THRAP3: variants seen among roughly 807,000 people sequenced by gnomAD.
THRAP3 encodes thyroid hormone receptor associated protein 3.
Under a neutral mutation model 101.0 loss-of-function variants are expected in THRAP3, and 16 were observed. The observed-to-expected ratio is 0.16, with a 90% CI of 0.11 to 0.24. The LOEUF (loss-of-function observed/expected upper bound fraction) is 0.24. Among genes scored for constraint, THRAP3 ranks in the 10% least tolerant of loss-of-function variants. The probability of loss-of-function intolerance (pLI) is 1.00; values close to 1 mark genes in which losing one functional copy is unlikely to be tolerated. For synonymous variants in THRAP3, 407 were observed against 422.6 expected (o/e 0.96, Z 0.45); for missense variants, 989 against 1,202.7 (o/e 0.82, Z 2.63).
intron 2 of THRAP3, among the ~76,000 whole-genome samples, chr1:36,280,606 C>T (rs773449062): frequency 1.3e-5 from 2 of 152,158 alleles, no homozygotes; most frequent in African/African-American, 4.8e-5. Flanking sequence ...GGCAGAATCT[C>T]GCTAGGCAGC....
chr1:36,214,865 AAAAT>A, the THRAP3 span, among the ~76,000 whole-genome samples: 1 of 151,622 alleles, frequency 6.6e-6, no homozygotes, highest in South Asian at 2.1e-4. Context: ...TCTCAAAAAA[AAAAT>A]AAATAAATAA....
intron 9 of THRAP3, 111 bp from the exon 10 acceptor site, chr1:36,300,775 T>G: frequency 9.3e-7 from 1 of 1,076,138 alleles, no homozygotes; most frequent in Non-Finnish European, 1.4e-6. Flanking sequence ...CATCATCAGT[T>G]TCTTCCATCA....
the THRAP3 span, among the ~76,000 whole-genome samples, chr1:36,213,401 T>C: frequency 2.6e-4 from 39 of 152,064 alleles, no homozygotes; most frequent in Non-Finnish European, 4.7e-4. Context: ...CTTTGAGACA[T>C]GTAAAGGCCT....
chr1:36,259,559 T>C (rs1244911567), intron 2 of THRAP3, 75 bp downstream of exon 2: 1 of 396,098 alleles, frequency 2.5e-6, no homozygotes, highest in Non-Finnish European at 4.4e-6. Flanking sequence ...GAATTGATTA[T>C]TTCGAGACCA....
chr1:36,213,925 AAG>A, the THRAP3 span, among the ~76,000 whole-genome samples: 1 of 129,560 alleles, frequency 7.7e-6, no homozygotes, highest in African/African-American at 3.6e-5. Context: ...GAAAGAAAGA[AAG>A]AAAGAAAGAA....
At chr1:36,273,580 A>G (rs944453961) in intron 2 of THRAP3, among the ~76,000 whole-genome samples, 3 of 152,166 alleles carry the variant, frequency 2.0e-5, no homozygotes, top group Non-Finnish European at 4.4e-5. Flanking sequence ...CGTTCCAGCC[A>G]GAGCAGTTAG....
intron 2 of THRAP3, among the ~76,000 whole-genome samples, chr1:36,262,947 C>T (rs1452994102): frequency 6.8e-6 from 1 of 147,554 alleles, no homozygotes; most frequent in Non-Finnish European, 1.5e-5. Flanking sequence ...CGCCCGCCAC[C>T]AGGGCCGGCT....
chr1:36,297,991 A>AG (rs1251892896), intron 9 of THRAP3, among the ~76,000 whole-genome samples: 3 of 150,784 alleles, frequency 2.0e-5, no homozygotes, highest in Non-Finnish European at 4.4e-5. Context: ...CTGAAAAAAA[A>AG]AAAAAATTAG....
chr1:36,229,951 CTTTT>C (rs35044010), intron 1 of THRAP3, among the ~76,000 whole-genome samples: 1 of 59,278 alleles, frequency 1.7e-5, no homozygotes. Context: ...CGCGCCCAGC[CTTTT>C]TTTTTTTTTT....
At chr1:36,215,427 C>T in the THRAP3 span, among the ~76,000 whole-genome samples, 1 of 152,176 alleles carries the variant, frequency 6.6e-6, no homozygotes, top group Non-Finnish European at 1.5e-5. Flanking sequence ...CTTCAGGCCA[C>T]AGCGCTTTTC....
the THRAP3 span, among the ~76,000 whole-genome samples, chr1:36,212,418 C>CTTTTTTTTT: frequency 1.7e-4 from 21 of 122,018 alleles, no homozygotes; most frequent in Non-Finnish European, 2.5e-4. Flanking sequence ...TTCTTTCTTT[C>CTTTTTTTTT]TTTTTTTTTT....
At chr1:36,260,686 G>T (rs1645433887) in intron 2 of THRAP3, among the ~76,000 whole-genome samples, 1 of 152,092 alleles carries the variant, frequency 6.6e-6, no homozygotes, top group Admixed American at 6.6e-5. Context: ...GCCGGGCGTG[G>T]TGGTGGGCGC....
Position 36,304,035 on chromosome 1 carries a change from A to C in THRAP3, c.*18A>C. 1 of 1,490,792 alleles carries C rather than the reference A, an allele frequency of 6.7e-7. No individual in the cohort carries two copies. The highest frequency in any genetic ancestry group is 8.9e-7 in the Non-Finnish European group (1 of 1,119,450). 92.3% of individuals were successfully genotyped at this position (1,490,792 alleles called of 1,614,324 possible). A position where few individuals can be genotyped will look rare whatever the true frequency, so the allele number is the denominator to read the frequency against. ...CCGAGTAGGGGCCACCCTTGACGGG[A>C]TTCCTGCCCAGGGGAGAGAGGCGCT... On this transcript the variant is annotated 3_prime_UTR_variant, in exon 12 of 12. Transcript: ENST00000354618.
chr1:36,270,390 GAC>G (rs766697376), intron 2 of THRAP3, among the ~76,000 whole-genome samples: 134 of 151,492 alleles, frequency 8.8e-4, no homozygotes, highest in African/African-American at 2.7e-3. Flanking sequence ...GTGAGACCCT[GAC>G]ACACACACAC....
upstream of THRAP3, among the ~76,000 whole-genome samples, chr1:36,219,808 A>T (rs1297162383): frequency 6.6e-6 from 1 of 152,190 alleles, no homozygotes; most frequent in Non-Finnish European, 1.5e-5. Context: ...GCTAGAGAGC[A>T]GAAGTCAATG....
the THRAP3 span, among the ~76,000 whole-genome samples, chr1:36,218,747 A>G: frequency 6.7e-6 from 1 of 149,336 alleles, no homozygotes; most frequent in Non-Finnish European, 1.5e-5. Flanking sequence ...TAAAAGTGCA[A>G]CTCCAGGCCA....
At chr1:36,220,972 A>AAAAAAATATATATAT (rs1285765741), upstream of THRAP3, among the ~76,000 whole-genome samples, 3 of 94,146 alleles carry the variant, frequency 3.2e-5, no homozygotes, top group African/African-American at 9.5e-5. Flanking sequence ...AAAAAAAAAA[A>AAAAAAATATATATAT]ATATATATAT....
At chr1:36,233,773 TAAAAA>T (rs911742376) in intron 1 of THRAP3, among the ~76,000 whole-genome samples, 7 of 151,900 alleles carry the variant, frequency 4.6e-5, no homozygotes, top group Non-Finnish European at 1.0e-4. Context: ...CTCAAAAAAA[TAAAAA>T]ATAAAATAAA....
At chr1:36,262,629 TC>T (rs1398176860) in intron 2 of THRAP3, among the ~76,000 whole-genome samples, 4 of 152,182 alleles carry the variant, frequency 2.6e-5, no homozygotes, top group Non-Finnish European at 5.9e-5. Context: ...GCAAAGAATG[TC>T]CATGGCCCAC....
Sources: gnomAD v4.1 joint callset for allele counts (sites outside exome capture counted in the v4.1 genomes callset) on GRCh38, gnomAD v4.1.1 for gene constraint, MANE v1.5 for transcripts, NCBI Gene and HGNC (gene_info 2026-07-23, HGNC 2026-07-21) for gene names.